PLXNA4: variants seen among roughly 807,000 people sequenced by gnomAD.
The protein encoded by PLXNA4 is plexin-A4.
In PLXNA4, 44 loss-of-function variants were observed where a neutral mutation model predicts 191.8. The ratio of observed to expected loss-of-function variants is 0.23; its 90% CI spans 0.18 to 0.29. The LOEUF (loss-of-function observed/expected upper bound fraction) is 0.29, where lower values mean the gene tolerates loss of function less well. Among genes scored for constraint, PLXNA4 ranks in the 10% least tolerant of loss-of-function variants. The pLI, the probability that PLXNA4 is intolerant of heterozygous loss-of-function variation, is 1.00. For missense variants in PLXNA4, 1,800 were observed against 2,488.8 expected (o/e 0.72, Z 5.89); for synonymous variants, 1,082 against 1,009.5 (o/e 1.07, Z -1.36).
At chr7:132,458,164 A>C (rs954548966) in intron 3 of PLXNA4, among the ~76,000 whole-genome samples, 1 of 152,076 alleles carries the variant, frequency 6.6e-6, no homozygotes, top group African/African-American at 2.4e-5. Flanking sequence ...TCTGAAAACG[A>C]CAATGTACCC....
chr7:132,406,612 C>T (rs1400620749), intron 3 of PLXNA4, among the ~76,000 whole-genome samples: 2 of 152,016 alleles, frequency 1.3e-5, no homozygotes, highest in Admixed American at 1.3e-4. Flanking sequence ...TATCATGTCT[C>T]AAATTTATAA....
chr7:132,197,351 G>T (rs1797283465), intron 13 of PLXNA4, among the ~76,000 whole-genome samples: 1 of 152,244 alleles, frequency 6.6e-6, no homozygotes, highest in Non-Finnish European at 1.5e-5. Flanking sequence ...TACTAAATTT[G>T]TATGCATTAG....
At chr7:132,320,708 C>T (rs1048954881) in intron 3 of PLXNA4, among the ~76,000 whole-genome samples, 2 of 152,130 alleles carry the variant, frequency 1.3e-5, no homozygotes, top group African/African-American at 4.8e-5. Context: ...GAGGTTAAAG[C>T]AAGTCAGCTT....
At chr7:132,547,165 T>C (rs1302140191) in intron 1 of PLXNA4, among the ~76,000 whole-genome samples, 1 of 152,216 alleles carries the variant, frequency 6.6e-6, no homozygotes, top group Non-Finnish European at 1.5e-5. Context: ...GGCTGTGCTC[T>C]TCAATGATGC....
intron 3 of PLXNA4, among the ~76,000 whole-genome samples, chr7:132,357,193 T>C (rs1199794407): frequency 2.0e-5 from 3 of 152,194 alleles, no homozygotes; most frequent in African/African-American, 7.2e-5. Flanking sequence ...ACCTTTTTCA[T>C]GGCAGCCACA....
Position 132,127,991 on chromosome 7 carries a change from C to CAAAAAAA in PLXNA4, c.*2481_*2487dup, listed in dbSNP as rs57733965. On this transcript the variant is annotated 3_prime_UTR_variant, in exon 32 of 32. Coordinates refer to ENST00000321063, the MANE Select transcript of PLXNA4 (RefSeq NM_020911.2). ...TGTTTGATTTTTTCTCTTAACTGTGCAAAAAAAAAAAAAAAAAATCAAAAT... is the reference window on the plus strand; with the variant it reads ...TGTTTGATTTTTTCTCTTAACTGTGCAAAAAAAAAAAAAAAAAAAAAAAAATCAAAAT... The CAAAAAAA allele has an allele frequency of 9.2e-6, 1 of 108,542 alleles. No homozygotes were observed. The highest frequency in any genetic ancestry group is 3.6e-5 in the African/African-American group (1 of 27,468). 6.7% of individuals were successfully genotyped at this position (108,542 alleles called of 1,614,324 possible). A position where few individuals can be genotyped will look rare whatever the true frequency, so the allele number is the denominator to read the frequency against.
At chr7:132,606,568 G>A (rs1198172469) in intron 2 of PLXNA4, among the ~76,000 whole-genome samples, 2 of 152,314 alleles carry the variant, frequency 1.3e-5, no homozygotes, top group Non-Finnish European at 2.9e-5. Flanking sequence ...ATAAGTAAAT[G>A]TGAAATCTGT....
At chr7:132,370,046 C>T (rs888507764) in intron 3 of PLXNA4, among the ~76,000 whole-genome samples, 3 of 139,104 alleles carry the variant, frequency 2.2e-5, no homozygotes. Flanking sequence ...CCAGCCTGAG[C>T]GACAGAGTGA....
intron 4 of PLXNA4, among the ~76,000 whole-genome samples, chr7:132,250,716 T>C (rs531970092): frequency 6.6e-6 from 1 of 151,910 alleles, no homozygotes; most frequent in East Asian, 1.9e-4. Context: ...ATGAGAGGAG[T>C]GTTCTGGCAT....
intron 1 of PLXNA4, among the ~76,000 whole-genome samples, chr7:132,532,037 T>C (rs6467440): frequency 0.99 from 151,435 of 152,344 alleles, 75,275 homozygotes; most frequent in Middle Eastern, 1. Flanking sequence ...CAGTCCAAAG[T>C]TTTTTTCACT....
intron 2 of PLXNA4, among the ~76,000 whole-genome samples, chr7:132,628,973 T>C (rs1803439007): frequency 6.6e-6 from 1 of 152,244 alleles, no homozygotes; most frequent in South Asian, 2.1e-4. Flanking sequence ...TCCTTGGCTG[T>C]CTATTTATAT....
intron 25 of PLXNA4, among the ~76,000 whole-genome samples, chr7:132,151,919 C>T (rs1795657119): frequency 6.6e-6 from 1 of 152,204 alleles, no homozygotes; most frequent in Non-Finnish European, 1.5e-5. Context: ...TGTCACTCTT[C>T]TCTACCCAAA....
chr7:132,508,250 C>T lies in PLXNA4; in HGVS notation c.444G>A (p.Lys148=), dbSNP rs1798563962. 1.2e-6 allele frequency: 2 copies of T among 1,614,248 alleles called. No individual in the cohort carries two copies. Among genetic ancestry groups the T allele is most frequent in the Non-Finnish European group, 1.7e-6 (2 of 1,180,048 alleles). ...CCTTCTTATGATAAGGCTCCCCCAG[C>T]TTGAAGAGGTCCTCCAGCCTCAGCA... ...CKLLRLEDLF[K]LGEPYHKKEH... The change falls in exon 2 of 32, where the codon AAG becomes AAA. Residue 148 remains lysine (K), a synonymous_variant. Transcript: ENST00000321063. The surrounding 1 kb of genome is among the most constrained non-coding windows in gnomAD (Gnocchi z 4.4).
chr7:132,550,444 C>T (rs917241012), intron 1 of PLXNA4, among the ~76,000 whole-genome samples: 1 of 152,190 alleles, frequency 6.6e-6, no homozygotes, highest in African/African-American at 2.4e-5. Context: ...TGGGGAAGGA[C>T]CTCTTCCAGG....
chr7:132,646,592 G>A (rs1167824449), intron 1 of PLXNA4, among the ~76,000 whole-genome samples: 1 of 152,104 alleles, frequency 6.6e-6, no homozygotes, highest in African/African-American at 2.4e-5. Context: ...CCATGTGCAA[G>A]CCAGCAAGAG....
rs565105072 is a variant in PLXNA4 at position 132,126,195 on chromosome 7, A to G, written c.*4284T>C. ...CGTTCACGGCTCTGGAAACAGTGGTAAGGATTCTTCTTGCAGTGGAGGTCA... is the reference window on the plus strand; with the variant it reads ...CGTTCACGGCTCTGGAAACAGTGGTGAGGATTCTTCTTGCAGTGGAGGTCA... On this transcript the variant is annotated 3_prime_UTR_variant, in exon 32 of 32. Transcript: ENST00000321063. The G allele has an allele frequency of 2.6e-5, 4 of 152,538 alleles. No individual in the cohort carries two copies. Among genetic ancestry groups the G allele is most frequent in the Admixed American group, 6.5e-5 (1 of 15,298 alleles). 9.4% of individuals were successfully genotyped at this position (152,538 alleles called of 1,614,324 possible).
At chr7:132,202,565 G>A (rs769809655) in intron 12 of PLXNA4, 81 bp downstream of exon 12, 46 of 1,345,716 alleles carry the variant, frequency 3.4e-5, no homozygotes, top group Middle Eastern at 2.8e-4. Context: ...CCGACACCAC[G>A]GCTGGGCAGA....
chr7:132,132,453 T>TCTGC (rs1794975535), intron 31 of PLXNA4, among the ~76,000 whole-genome samples: 4 of 57,020 alleles, frequency 7.0e-5, no homozygotes, highest in Admixed American at 6.3e-4. Context: ...TTCTGTTCTG[T>TCTGC]TCTGTTCTGT....
At chr7:132,183,125 C>T (rs536466887) in intron 16 of PLXNA4, among the ~76,000 whole-genome samples, 4 of 152,254 alleles carry the variant, frequency 2.6e-5, no homozygotes, top group Admixed American at 6.5e-5. Flanking sequence ...GACACACACA[C>T]CCACATTCAT....
Sources: allele counts gnomAD v4.1 joint callset (sites outside exome capture counted in the v4.1 genomes callset), GRCh38; gene constraint gnomAD v4.1.1; non-coding constraint Gnocchi (gnomAD v3.1); transcripts MANE v1.5; gene names NCBI Gene and HGNC (gene_info 2026-07-23, HGNC 2026-07-21).